The following CDK5R2 variants were observed in gnomAD, a reference collection of about 807,000 sequenced individuals.
CDK5R2 encodes cyclin dependent kinase 5 regulatory subunit 2.
CDK5R2 carries 7 observed loss-of-function variants against 23.1 expected under a neutral mutation model. The ratio of observed to expected loss-of-function variants is 0.30; its 90% CI spans 0.17 to 0.57. The LOEUF is 0.57. Ranked by LOEUF, CDK5R2 falls within the 20% of genes least tolerant of loss-of-function variation. The pLI, the probability that CDK5R2 is intolerant of heterozygous loss-of-function variation, is 0.91. For missense variants in CDK5R2, 380 were observed against 537.6 expected (o/e 0.71, Z 2.90); for synonymous variants, 242 against 264.9 (o/e 0.91, Z 0.84).
Position 218,961,325 on chromosome 2 carries a change from G to C in CDK5R2, c.*401G>C. The C allele has an allele frequency of 5.4e-6, 1 of 184,546 alleles. No individual in the cohort carries two copies. The allele number at this position is 184,546 out of a possible 1,614,324, so 11.4% of individuals were successfully genotyped here. ...CTCTCTCTCTCTCCCTCTCTCTCCT[G>C]TTCCTCTCTTTCTTCCTCCCTCTCC... On this transcript the variant is annotated 3_prime_UTR_variant, in exon 1 of 1. Transcript: ENST00000302625. This position sits in a 1 kb window ranked among gnomAD's most constrained non-coding sequence, Gnocchi z 4.4.
Position 218,960,059 on chromosome 2 carries a change from G to T in CDK5R2, c.239G>T (p.Ser80Ile). The change falls in exon 1 of 1, where the codon AGC (serine) becomes ATC (isoleucine). Residue 80 changes from serine to isoleucine, a missense_variant. Around this residue, in one of 3 missense-constraint regions of CDK5R2, gnomAD observed 197 missense variants for 246.4 expected, o/e 0.80. Transcript: ENST00000302625. ...GCGTCCGCCAAGAAGAAGAAAGGCA[G>T]CAAGAAGGTGACACCCAAGCCGGCA... Reference protein sequence around the residue: ...VAASAKKKKGSKKVTPKPAST... With the variant: ...VAASAKKKKGIKKVTPKPAST... 6.2e-7 allele frequency: 1 copy of T among 1,603,314 alleles called. No homozygotes were observed. The highest frequency in any genetic ancestry group is 1.3e-5 in the African/African-American group (1 of 74,152).
chr2:218,961,588 G>A lies in CDK5R2; in HGVS notation c.*664G>A, dbSNP rs887889764. The stretch of plus-strand genomic sequence containing the variant: ...ACCACACCCCTCTCCCCTGATCAAA[G>A]GGAATATTAGTTTTTAATTTGGATC... On this transcript the variant is annotated 3_prime_UTR_variant, in exon 1 of 1. Coordinates refer to ENST00000302625, the MANE Select transcript of CDK5R2 (RefSeq NM_003936.5). The surrounding 1 kb of genome is among the most constrained non-coding windows in gnomAD (Gnocchi z 4.4). 6.0e-6 allele frequency: 1 copy of A among 167,132 alleles called. No individual in the cohort carries two copies. The highest frequency in any genetic ancestry group is 2.4e-5 in the African/African-American group (1 of 41,414). The allele number at this position is 167,132 out of a possible 1,614,324, so 10.4% of individuals were successfully genotyped here.
At position 218,960,119 on chromosome 2, in the gene CDK5R2, A is replaced by G. The variant is rs1434425598; in HGVS notation, c.299A>G (p.Asn100Ser). The change falls in exon 1 of 1, where the codon AAC becomes AGC. Residue 100 changes from asparagine to serine, a missense_variant. Coordinates refer to ENST00000302625, the MANE Select transcript of CDK5R2 (RefSeq NM_003936.5). ...TGPDPLVQQR[N>S]RENLLRKGRD... ...CCCGACCCCCTGGTCCAGCAACGCA[A>G]CCGCGAGAACCTTCTCCGCAAGGGC... 7 of 1,593,822 alleles carry G rather than the reference A, an allele frequency of 4.4e-6. No homozygotes were observed. The highest frequency in any genetic ancestry group is 1.4e-5 in the African/African-American group (1 of 72,864).
At position 218,960,076 on chromosome 2, in the gene CDK5R2, A is replaced by G. The variant is rs759194480; in HGVS notation, c.256A>G (p.Lys86Glu). ...KKKGSKKVTP[K>E]PASTGPDPLV... ...GAAAGGCAGCAAGAAGGTGACACCC[A>G]AGCCGGCATCCACGGGCCCCGACCC... Residue 86 changes from lysine to glutamate, a missense_variant, in exon 1 of 1, where the codon AAG becomes GAG. Transcript: ENST00000302625. 2 of 1,602,824 alleles carry G rather than the reference A, an allele frequency of 1.2e-6. No individual in the cohort carries two copies. Among genetic ancestry groups the G allele is most frequent in the Non-Finnish European group, 1.7e-6 (2 of 1,175,792 alleles).
rs755257593 is a variant in CDK5R2 at position 218,960,336 on chromosome 2, C to T, written c.516C>T (p.Gly172=). 6.7e-7 allele frequency: 1 copy of T among 1,503,656 alleles called. No individual in the cohort carries two copies. The highest frequency in any genetic ancestry group is 1.2e-5 in the South Asian group (1 of 80,986). The allele number at this position is 1,503,656 out of a possible 1,614,324, so 93.1% of individuals were successfully genotyped here. ...APQVAPPVPG[G]SPRRVIVQAS... Reference sequence around the variant, plus strand: ...AGGTGGCGCCGCCGGTGCCTGGCGGCTCGCCGCGGCGGGTCATCGTGCAGG... The same window carrying T: ...AGGTGGCGCCGCCGGTGCCTGGCGGTTCGCCGCGGCGGGTCATCGTGCAGG... Residue 172 remains glycine, a synonymous_variant, in exon 1 of 1, where the codon GGC becomes GGT. Transcript: ENST00000302625.
Position 218,959,913 on chromosome 2 carries a change from G to T in CDK5R2, c.93G>T (p.Ala31=). Residue 31 remains alanine, a synonymous_variant, in exon 1 of 1, where the codon GCG becomes GCT. Transcript: ENST00000302625. The surrounding 1 kb of genome is among the most constrained non-coding windows in gnomAD (Gnocchi z 4.0). ...AGGAGAAGAAGAAGGCGCCGCCCGC[G>T]GGGGACGAGGCGCTGGGGGGCTACG... is the stretch of plus-strand genomic sequence containing the variant. The part of the protein sequence containing the change: ...LPEEKKKAPP[A]GDEALGGYGA... 1 of 1,474,032 alleles carries T rather than the reference G, an allele frequency of 6.8e-7. No individual in the cohort carries two copies. The highest frequency in any genetic ancestry group is 8.9e-7 in the Non-Finnish European group (1 of 1,122,130). The allele number at this position is 1,474,032 out of a possible 1,614,324, so 91.3% of individuals were successfully genotyped here.
rs1488134014 is a variant in CDK5R2, at chr2:218,960,948, C to T, written c.*24C>T. The stretch of plus-strand genomic sequence containing the variant: ...AGGGATACCCAGGGGCCGCGCCCAT[C>T]CCCCGCCCCAGCCCCTGACACACAC... On this transcript the variant is annotated 3_prime_UTR_variant, in exon 1 of 1. Transcript: ENST00000302625. 3.2e-6 allele frequency: 4 copies of T among 1,230,890 alleles called. No homozygotes were observed. The highest frequency in any genetic ancestry group is 3.2e-5 in the African/African-American group (2 of 63,136). 76.2% of individuals were successfully genotyped at this position (1,230,890 alleles called of 1,614,324 possible). A position where few individuals can be genotyped will look rare whatever the true frequency, so the allele number is the denominator to read the frequency against.
chr2:218,960,621 C>T lies in CDK5R2; in HGVS notation c.801C>T (p.Tyr267=), dbSNP rs771718118. ...AGGCCGCCTTCCTCACCTGCCTCTA[C>T]CTCGCCTACTCCTACATGGGCAACG... ...ELQAAFLTCL[Y]LAYSYMGNEI... Residue 267 remains tyrosine, a synonymous_variant, in exon 1 of 1, where the codon TAC becomes TAT. Transcript: ENST00000302625. The T allele has an allele frequency of 1.9e-6, 3 of 1,614,020 alleles. No individual in the cohort carries two copies. Among genetic ancestry groups the T allele is most frequent in the Non-Finnish European group, 2.5e-6 (3 of 1,179,932 alleles).
At position 218,960,027 on chromosome 2, in the gene CDK5R2, G is replaced by T; in HGVS notation, c.207G>T (p.Leu69=). The T allele has an allele frequency of 1.3e-6, 2 of 1,593,374 alleles. No individual in the cohort carries two copies. The highest frequency in any genetic ancestry group is 1.7e-6 in the Non-Finnish European group (2 of 1,171,636). ...TCTCGGCGCTCACCTGGAAGCGCCTGGTGGCCGCGTCCGCCAAGAAGAAGA... is the reference window on the plus strand; with the variant it reads ...TCTCGGCGCTCACCTGGAAGCGCCTTGTGGCCGCGTCCGCCAAGAAGAAGA... ...VLISALTWKR[L]VAASAKKKKG... The change falls in exon 1 of 1, where the codon CTG becomes CTT. Residue 69 remains leucine, a synonymous_variant. Coordinates refer to ENST00000302625, the MANE Select transcript of CDK5R2 (RefSeq NM_003936.5).
chr2:218,960,801 C>T lies in CDK5R2; in HGVS notation c.981C>T (p.Asn327=). ...FFTQVFQDLK[N]EGEAAASGGG... is the part of the protein sequence containing the mutation. ...CGCAGGTCTTTCAAGACCTCAAGAA[C>T]GAGGGCGAGGCCGCCGCCAGCGGCG... is the stretch of plus-strand genomic sequence containing the variant. The change falls in exon 1 of 1, where the codon AAC becomes AAT. Residue 327 remains asparagine (N), a synonymous_variant. Transcript: ENST00000302625. The T allele has an allele frequency of 1.9e-6, 3 of 1,601,950 alleles. No individual in the cohort carries two copies. Among genetic ancestry groups the T allele is most frequent in the Non-Finnish European group, 2.6e-6 (3 of 1,176,202 alleles).
At position 218,960,848 on chromosome 2, in the gene CDK5R2, C is replaced by A. The variant is rs546412145; in HGVS notation, c.1028C>A (p.Ala343Glu). ...GGCGGGGGCCCACCGAGCGGGGGCG[C>A]GCCCGCCGCCTCCTCGGCCGCCAGG... is the stretch of plus-strand genomic sequence containing the variant. ...ASGGGPPSGG[A>E]PAASSAARDS... Residue 343 changes from alanine to glutamate, a missense_variant, in exon 1 of 1, where the codon GCG becomes GAG. By Grantham distance (107) the Ala-to-Glu change is moderately radical. Coordinates refer to ENST00000302625, the MANE Select transcript of CDK5R2 (RefSeq NM_003936.5). 6.7e-7 allele frequency: 1 copy of A among 1,498,678 alleles called. No homozygotes were observed. The highest frequency in any genetic ancestry group is 1.3e-5 in the South Asian group (1 of 75,768). The allele number at this position is 1,498,678 out of a possible 1,614,324, so 92.8% of individuals were successfully genotyped here.
At position 218,959,673 on chromosome 2, in the gene CDK5R2, C is replaced by T. The variant is rs1945185327; in HGVS notation, c.-148C>T. 10 of 983,394 alleles carry T rather than the reference C, an allele frequency of 1.0e-5. No homozygotes were observed. The highest frequency in any genetic ancestry group is 1.2e-5 in the Non-Finnish European group (9 of 772,784). The allele number at this position is 983,394 out of a possible 1,614,324, so 60.9% of individuals were successfully genotyped here. ...CTGGCGCAGCTCAGGATTAGAGCAGCGGAGCCGCCTAGCAGCCACCTTCCC... is the reference window on the plus strand; with the variant it reads ...CTGGCGCAGCTCAGGATTAGAGCAGTGGAGCCGCCTAGCAGCCACCTTCCC... On this transcript the variant is annotated 5_prime_UTR_variant, in exon 1 of 1. Coordinates refer to ENST00000302625, the MANE Select transcript of CDK5R2 (RefSeq NM_003936.5). This position sits in a 1 kb window ranked among gnomAD's most constrained non-coding sequence, Gnocchi z 4.0.
In CDK5R2 at chr2:218,961,950, GA is replaced by G. The variant is rs1487428397; in HGVS notation, c.*1027del. ...TAATTTATTTGGTTGTTTGCGGAGG[GA>G]GGGGGGAGGGGGGTAGGCTGGGCCG... On this transcript the variant is annotated 3_prime_UTR_variant, in exon 1 of 1. Transcript: ENST00000302625. The surrounding 1 kb of genome is among the most constrained non-coding windows in gnomAD (Gnocchi z 4.4). 1 of 167,134 alleles carries G rather than the reference GA, an allele frequency of 6.0e-6. No individual in the cohort carries two copies. The highest frequency in any genetic ancestry group is 6.5e-5 in the Admixed American group (1 of 15,276). 10.4% of individuals were successfully genotyped at this position (167,134 alleles called of 1,614,324 possible).
In CDK5R2 at chr2:218,959,794, G is replaced by A. The variant is rs1167103435; in HGVS notation, c.-27G>A. 10 of 1,249,114 alleles carry A rather than the reference G, an allele frequency of 8.0e-6. No individual in the cohort carries two copies. In the East Asian group the frequency reaches 2.5e-4, roughly 32 times the overall value. The allele number at this position is 1,249,114 out of a possible 1,614,324, so 77.4% of individuals were successfully genotyped here. ...GGCGCCGCCCGCGGCTCCCGCTGGG[G>A]CCTGGGCGCCGGCCCCGCTCTGCAG... is the stretch of plus-strand genomic sequence containing the variant. On this transcript the variant is annotated 5_prime_UTR_variant, in exon 1 of 1. Transcript: ENST00000302625. This position sits in a 1 kb window ranked among gnomAD's most constrained non-coding sequence, Gnocchi z 4.0.
In CDK5R2 at chr2:218,961,231, T is replaced by G; in HGVS notation, c.*307T>G. ...GGTCTCCCCCTTCCCTTCAGCCCATTCCCCCTCGGTTTTATCCATTTCCTT... is the reference window on the plus strand; with the variant it reads ...GGTCTCCCCCTTCCCTTCAGCCCATGCCCCCTCGGTTTTATCCATTTCCTT... On this transcript the variant is annotated 3_prime_UTR_variant, in exon 1 of 1. Coordinates refer to ENST00000302625, the MANE Select transcript of CDK5R2 (RefSeq NM_003936.5). The surrounding 1 kb of genome is among the most constrained non-coding windows in gnomAD (Gnocchi z 4.4). 3.0e-6 allele frequency: 1 copy of G among 330,796 alleles called. No homozygotes were observed. Among genetic ancestry groups the G allele is most frequent in the Admixed American group, 5.1e-5 (1 of 19,778 alleles). The allele number at this position is 330,796 out of a possible 1,614,324, so 20.5% of individuals were successfully genotyped here.
Position 218,960,940 on chromosome 2 carries a change from G to A in CDK5R2, c.*16G>A. 1.5e-6 allele frequency: 2 copies of A among 1,293,830 alleles called. No homozygotes were observed. Among genetic ancestry groups the A allele is most frequent in the Non-Finnish European group, 2.0e-6 (2 of 979,508 alleles). The allele number at this position is 1,293,830 out of a possible 1,614,324, so 80.1% of individuals were successfully genotyped here. A position where few individuals can be genotyped will look rare whatever the true frequency, so the allele number is the denominator to read the frequency against. Reference sequence around the variant, plus strand: ...GGACCGCTAGGGATACCCAGGGGCCGCGCCCATCCCCCGCCCCAGCCCCTG... The same window carrying A: ...GGACCGCTAGGGATACCCAGGGGCCACGCCCATCCCCCGCCCCAGCCCCTG... On this transcript the variant is annotated 3_prime_UTR_variant, in exon 1 of 1. Coordinates refer to ENST00000302625, the MANE Select transcript of CDK5R2 (RefSeq NM_003936.5).
In CDK5R2 at chr2:218,960,491, G is replaced by T; in HGVS notation, c.671G>T (p.Gly224Val). ...GTGGACCGCTCGCTGCTGCTGCAGG[G>T]CTGGCAAGACCAGGCCTTCATTACG... Reference protein sequence around the residue: ...RGVDRSLLLQGWQDQAFITPA... With the variant: ...RGVDRSLLLQVWQDQAFITPA... The change falls in exon 1 of 1, where the codon GGC becomes GTC. Residue 224 changes from glycine (G) to valine (V), a missense_variant. Physicochemically the swap from Gly to Val is moderately radical, Grantham distance 109. Around this residue, in one of 3 missense-constraint regions of CDK5R2, gnomAD observed 124 missense variants for 235.5 expected, o/e 0.53. Coordinates refer to ENST00000302625, the MANE Select transcript of CDK5R2 (RefSeq NM_003936.5). 6.2e-7 allele frequency: 1 copy of T among 1,613,718 alleles called. No homozygotes were observed. The highest frequency in any genetic ancestry group is 8.5e-7 in the Non-Finnish European group (1 of 1,179,918).
Position 218,960,169 on chromosome 2 carries a change from A to ACCG in CDK5R2, c.352_354dup (p.Ala118dup), listed in dbSNP as rs762261517. 42 of 1,534,562 alleles carry ACCG rather than the reference A, an allele frequency of 2.7e-5. No homozygotes were observed. The highest frequency in any genetic ancestry group is 3.5e-5 in the Non-Finnish European group (40 of 1,146,114). ...CCGGGATCCCCCCGACGGCGGCGGCACCGCCAAGCCCCTGGCGGTGCCAGT... is the reference window on the plus strand; with the variant it reads ...CCGGGATCCCCCCGACGGCGGCGGCACCGCCGCCAAGCCCCTGGCGGTGCCAGT... On this transcript the variant is annotated inframe_insertion, in exon 1 of 1. Coordinates refer to ENST00000302625, the MANE Select transcript of CDK5R2 (RefSeq NM_003936.5).
At position 218,960,409 on chromosome 2, in the gene CDK5R2, C is replaced by T. The variant is rs1274075541; in HGVS notation, c.589C>T (p.Arg197Cys). 1 of 1,606,048 alleles carries T rather than the reference C, an allele frequency of 6.2e-7. No individual in the cohort carries two copies. The highest frequency in any genetic ancestry group is 8.5e-7 in the Non-Finnish European group (1 of 1,179,176). ...LRCLGDFVCRRCYRLKELSPG... is the reference protein window; with the variant it reads ...LRCLGDFVCRCCYRLKELSPG... ...CTGTCTGGGCGACTTCGTGTGCCGACGCTGCTATCGCCTCAAGGAGCTGAG... is the reference window on the plus strand; with the variant it reads ...CTGTCTGGGCGACTTCGTGTGCCGATGCTGCTATCGCCTCAAGGAGCTGAG... The change falls in exon 1 of 1, where the codon CGC becomes TGC. Residue 197 changes from arginine (R) to cysteine (C), a missense_variant. Physicochemically the swap from Arg to Cys is radical, Grantham distance 180. This residue lies in a region of CDK5R2 where 124 missense variants were observed against 235.5 expected (regional missense o/e 0.53). Coordinates refer to ENST00000302625, the MANE Select transcript of CDK5R2 (RefSeq NM_003936.5).
Sources: allele counts gnomAD v4.1 joint callset, GRCh38; gene constraint gnomAD v4.1.1; regional missense constraint gnomAD v4.1.1; non-coding constraint Gnocchi (gnomAD v3.1); transcripts MANE v1.5; gene names NCBI Gene and HGNC (gene_info 2026-07-23, HGNC 2026-07-21).